Variants in NEGR1 observed in about 807,000 individuals in gnomAD.
NEGR1 encodes neuronal growth regulator 1, also known as IgLON family member 4.
Under a neutral mutation model 40.9 loss-of-function variants are expected in NEGR1, and 10 were observed. The observed-to-expected ratio is 0.24, with a 90% CI of 0.15 to 0.42. The LOEUF (loss-of-function observed/expected upper bound fraction) is 0.42. NEGR1 is among the 10% of genes least tolerant of loss of function. NEGR1 has a pLI of 1.00. For synonymous variants in NEGR1, 185 were observed against 166.8 expected (o/e 1.11, Z -0.84); for missense variants, 352 against 438.9 (o/e 0.80, Z 1.77).
At chr1:72,202,959 C>T (rs927722446) in intron 1 of NEGR1, among the ~76,000 whole-genome samples, 3 of 151,690 alleles carry the variant, frequency 2.0e-5, no homozygotes, top group Non-Finnish European at 4.4e-5. Flanking sequence ...ACAGTTGAGA[C>T]TACTTCTCAG....
chr1:71,560,459 A>ATATATATATATATATATG (rs1648416997), intron 6 of NEGR1, among the ~76,000 whole-genome samples: 1 of 143,840 alleles, frequency 7.0e-6, no homozygotes, highest in Non-Finnish European at 1.5e-5. Flanking sequence ...GTATATATAT[A>ATATATATATATATATATG]TTTCCAATTA....
chr1:72,059,512 T>C (rs1647146555), intron 1 of NEGR1, among the ~76,000 whole-genome samples: 1 of 151,674 alleles, frequency 6.6e-6, no homozygotes, highest in Non-Finnish European at 1.5e-5. Context: ...AATAATTGTT[T>C]GAAGTTTAAA....
intron 1 of NEGR1, among the ~76,000 whole-genome samples, chr1:72,261,904 T>A (rs1655470349): frequency 6.6e-6 from 1 of 152,126 alleles, no homozygotes; most frequent in Middle Eastern, 3.4e-3. Flanking sequence ...AAATTACCTA[T>A]TAGGTACAAT....
chr1:71,928,843 C>G (rs1365146662), intron 2 of NEGR1, among the ~76,000 whole-genome samples: 1 of 152,004 alleles, frequency 6.6e-6, no homozygotes, highest in East Asian at 1.9e-4. Context: ...GTCTTTCACC[C>G]TGTGATCAGT....
intron 2 of NEGR1, among the ~76,000 whole-genome samples, chr1:71,778,091 TTAAAC>T (rs1363907727): frequency 2.0e-5 from 3 of 151,998 alleles, no homozygotes. Context: ...ATTTACAACA[TTAAAC>T]TAAAAGTATA....
chr1:71,436,530 G>A (rs1283666489), intron 6 of NEGR1, among the ~76,000 whole-genome samples: 2 of 152,076 alleles, frequency 1.3e-5, no homozygotes, highest in African/African-American at 2.4e-5. Context: ...TAAAGCAAAT[G>A]CAAAAGAAAG....
intron 1 of NEGR1, among the ~76,000 whole-genome samples, chr1:72,140,908 G>A (rs1650651755): frequency 6.6e-6 from 1 of 151,912 alleles, no homozygotes; most frequent in Admixed American, 6.6e-5. Context: ...TGAAAAGGGA[G>A]TTAAAGTTAC....
intron 2 of NEGR1, among the ~76,000 whole-genome samples, chr1:71,896,226 T>G (rs1660970240): frequency 2.0e-5 from 3 of 151,886 alleles, no homozygotes; most frequent in Non-Finnish European, 4.4e-5. Context: ...TTAGTAGAGA[T>G]GGGGTTTCAC....
intron 3 of NEGR1, among the ~76,000 whole-genome samples, chr1:71,769,033 C>A (rs756088231): frequency 6.6e-6 from 1 of 151,674 alleles, no homozygotes; most frequent in Non-Finnish European, 1.5e-5. Context: ...GCCTCCTGTA[C>A]AGCCTACAGA....
intron 6 of NEGR1, among the ~76,000 whole-genome samples, chr1:71,416,434 AT>A (rs1311991920): frequency 1.3e-5 from 2 of 152,058 alleles, no homozygotes; most frequent in South Asian, 4.2e-4. Context: ...GATCATTTCC[AT>A]TTTTTTGAAT....
At chr1:71,591,766 T>A (rs1649506762) in intron 6 of NEGR1, among the ~76,000 whole-genome samples, 1 of 152,142 alleles carries the variant, frequency 6.6e-6, no homozygotes, top group South Asian at 2.1e-4. Flanking sequence ...TATGTTTTAT[T>A]TCACATCAGC....
At chr1:72,220,214 TA>T (rs34503889) in intron 1 of NEGR1, among the ~76,000 whole-genome samples, 66,538 of 151,546 alleles carry the variant, frequency 0.44, 15,016 homozygotes, top group Non-Finnish European at 0.48. Flanking sequence ...ATTTTTAAGA[TA>T]AAAAAATTCC....
intron 2 of NEGR1, among the ~76,000 whole-genome samples, chr1:71,872,238 C>T (rs1660299580): frequency 6.6e-6 from 1 of 152,130 alleles, no homozygotes; most frequent in Non-Finnish European, 1.5e-5. Flanking sequence ...CCTCTAAGTA[C>T]ACCTAAGTGG....
intron 1 of NEGR1, among the ~76,000 whole-genome samples, chr1:72,149,736 G>A (rs1651045086): frequency 6.6e-6 from 1 of 151,760 alleles, no homozygotes; most frequent in East Asian, 1.9e-4. Flanking sequence ...TACAAAATTA[G>A]CCGGGCATAG....
At chr1:71,950,938 A>G (rs1362266463) in intron 1 of NEGR1, among the ~76,000 whole-genome samples, 1 of 151,928 alleles carries the variant, frequency 6.6e-6, no homozygotes, top group Non-Finnish European at 1.5e-5. Flanking sequence ...GAAAGAAACT[A>G]TCACATTTTT....
intron 2 of NEGR1, among the ~76,000 whole-genome samples, chr1:71,848,536 A>C (rs746788171): frequency 9.9e-5 from 15 of 152,218 alleles, no homozygotes; most frequent in Non-Finnish European, 1.8e-4. Context: ...CATAAAGGAA[A>C]CAACAAAGCC....
At chr1:72,252,577 T>C (rs1220451316) in intron 1 of NEGR1, among the ~76,000 whole-genome samples, 2 of 152,200 alleles carry the variant, frequency 1.3e-5, no homozygotes, top group African/African-American at 2.4e-5. Flanking sequence ...AACTAAGTTA[T>C]ATTACTTGAG....
At chr1:71,588,055 C>A (rs917941317) in intron 6 of NEGR1, among the ~76,000 whole-genome samples, 1 of 152,006 alleles carries the variant, frequency 6.6e-6, no homozygotes, top group Admixed American at 6.6e-5. Context: ...AGAAACAAAG[C>A]GTGTACAACA....
chr1:72,059,283 G>C (rs1022574902), intron 1 of NEGR1, among the ~76,000 whole-genome samples: 1 of 151,130 alleles, frequency 6.6e-6, no homozygotes, highest in African/African-American at 2.4e-5. Flanking sequence ...ACAAAGTTCT[G>C]TGTGTAATCC....
Sources: allele counts gnomAD v4.1 joint callset (sites outside exome capture counted in the v4.1 genomes callset), GRCh38; gene constraint gnomAD v4.1.1; transcripts MANE v1.5; gene names NCBI Gene and HGNC (gene_info 2026-07-23, HGNC 2026-07-21).